CRTAC1: variants seen among roughly 807,000 people sequenced by gnomAD.
The protein encoded by CRTAC1 is cartilage acidic protein 1.
CRTAC1 carries 37 observed loss-of-function variants against 67.8 expected under a neutral mutation model. The ratio of observed to expected loss-of-function variants is 0.55; its 90% CI spans 0.42 to 0.72. The LOEUF (loss-of-function observed/expected upper bound fraction) is 0.72, where lower values mean the gene tolerates loss of function less well. CRTAC1 is among the 30% of genes least tolerant of loss of function. The pLI is 0.00. For synonymous variants in CRTAC1, 348 were observed against 371.0 expected, an observed-to-expected ratio of 0.94 and a Z score of 0.71; for missense variants, 780 against 931.6, an observed-to-expected ratio of 0.84 and a Z score of 2.12.
At chr10:97,959,676 C>T (rs2051493054) in intron 2 of CRTAC1, among the ~76,000 whole-genome samples, 2 of 152,230 alleles carry the variant, frequency 1.3e-5, no homozygotes, top group Admixed American at 1.3e-4. Context: ...GTCCAACTCA[C>T]CGCCACTGGG....
At chr10:97,893,796 G>T (rs7081221) in intron 11 of CRTAC1, among the ~76,000 whole-genome samples, 1 of 151,728 alleles carries the variant, frequency 6.6e-6, no homozygotes, top group African/African-American at 2.4e-5. Context: ...TCTGTTTTCC[G>T]TCTTTATAAT....
At chr10:97,960,022 C>G (rs371884923) in intron 2 of CRTAC1, among the ~76,000 whole-genome samples, 1 of 152,238 alleles carries the variant, frequency 6.6e-6, no homozygotes, top group African/African-American at 2.4e-5. Context: ...CTAAAATTAC[C>G]GTCTCCCAGA....
intron 7 of CRTAC1, among the ~76,000 whole-genome samples, 176 bp downstream of exon 7, chr10:97,904,493 C>T (rs2050582571): frequency 6.6e-6 from 1 of 152,224 alleles, no homozygotes; most frequent in Non-Finnish European, 1.5e-5. Context: ...ACGATCTCAG[C>T]TCACTGTAAC....
At chr10:97,885,656 G>T (rs1162946326) in intron 11 of CRTAC1, among the ~76,000 whole-genome samples, 1 of 152,080 alleles carries the variant, frequency 6.6e-6, no homozygotes, top group Admixed American at 6.5e-5. Flanking sequence ...GGGAGGAGGC[G>T]GGGGCTGGGC....
intron 5 of CRTAC1, 48 bp from the exon 6 acceptor site, chr10:97,908,195 C>A: frequency 6.2e-6 from 10 of 1,607,510 alleles, no homozygotes; most frequent in Middle Eastern, 1.7e-4. Flanking sequence ...AAGCCCCAGG[C>A]CCACCTGGAG....
intron 13 of CRTAC1, among the ~76,000 whole-genome samples, chr10:97,880,757 T>C (rs1458707683): frequency 2.0e-5 from 3 of 152,222 alleles, no homozygotes; most frequent in Non-Finnish European, 4.4e-5. Flanking sequence ...ATGTCTAAGA[T>C]GCACCTCATG....
intron 2 of CRTAC1, among the ~76,000 whole-genome samples, chr10:97,956,034 C>T (rs1473639304): frequency 2.0e-5 from 3 of 152,160 alleles, no homozygotes; most frequent in Non-Finnish European, 4.4e-5. Context: ...ATAAAGGCCA[C>T]GTAAGAGGCA....
chr10:97,979,994 C>T (rs761457381), intron 2 of CRTAC1, among the ~76,000 whole-genome samples: 4 of 152,314 alleles, frequency 2.6e-5, no homozygotes, highest in Non-Finnish European at 4.4e-5. Context: ...AACAAACGCC[C>T]GGGGCCACTC....
chr10:97,889,834 A>C (rs923978953), intron 11 of CRTAC1, among the ~76,000 whole-genome samples: 5 of 152,140 alleles, frequency 3.3e-5, no homozygotes, highest in African/African-American at 1.2e-4. Flanking sequence ...GAGTGCTGGC[A>C]GGGGAGCTTC....
chr10:98,009,762 T>C (rs1842871814), intron 2 of CRTAC1, among the ~76,000 whole-genome samples: 1 of 152,206 alleles, frequency 6.6e-6, no homozygotes, highest in South Asian at 2.1e-4. Flanking sequence ...GTAGTGTTTT[T>C]ATTGATTGAC....
At chr10:97,901,394 C>A in intron 8 of CRTAC1, 109 bp downstream of exon 8, 1 of 1,356,768 alleles carries the variant, frequency 7.4e-7, no homozygotes, top group Admixed American at 1.9e-5. Flanking sequence ...CTTGGCCTGA[C>A]CCCCTGGCCC....
intron 11 of CRTAC1, among the ~76,000 whole-genome samples, chr10:97,890,281 T>A (rs2050350017): frequency 9.1e-6 from 1 of 110,258 alleles, no homozygotes; most frequent in African/African-American, 3.6e-5. Context: ...CACACCGGGC[T>A]AATTTTTGTA....
At chr10:97,902,441 G>A (rs560821723) in intron 7 of CRTAC1, among the ~76,000 whole-genome samples, 3 of 152,186 alleles carry the variant, frequency 2.0e-5, no homozygotes, top group Non-Finnish European at 2.9e-5. Context: ...AGGGGGTTGC[G>A]GTATCAGCTA....
intron 1 of CRTAC1, among the ~76,000 whole-genome samples, chr10:98,021,701 T>G (rs1487576840): frequency 6.6e-6 from 1 of 152,202 alleles, no homozygotes; most frequent in Non-Finnish European, 1.5e-5. Flanking sequence ...AATAAATGTT[T>G]GTGAGATGCA....
At chr10:98,022,985 G>GA (rs566975145) in intron 1 of CRTAC1, among the ~76,000 whole-genome samples, 71 of 152,206 alleles carry the variant, frequency 4.7e-4, no homozygotes, top group African/African-American at 1.6e-3. Context: ...TGCACTCGTG[G>GA]ACCCCACTAT....
rs1459885987 is a variant in CRTAC1 at position 97,954,830 on chromosome 10, C to T, written c.225-18464G>A. On this transcript the variant is annotated intron_variant, in intron 2 of 14. Transcript: ENST00000370597. ...AGAGAGAAGACGTTCCCTGCCTTTT[C>T]TACCTTCTGGGGGCTGCAGGCATTG... is the stretch of plus-strand genomic sequence containing the variant. Among the ~76,000 whole-genome samples, 8 of 152,218 alleles carry T rather than the reference C, an allele frequency of 5.3e-5. 1 individual carries two copies.
rs1302592240 is a variant in CRTAC1 at position 97,974,294 on chromosome 10, C to G, written c.224+36844G>C. ...GGGTACAGCGAAGCTGCCATGAAAC[C>G]AGCAGGCTCCCCCCCTGCTGCGTAA... On this transcript the variant is annotated intron_variant, in intron 2 of 14. Transcript: ENST00000370597. Among the ~76,000 whole-genome samples, 5 of 152,148 alleles carry G rather than the reference C, an allele frequency of 3.3e-5. No homozygotes were observed. The East Asian group carries it at 7.7e-4, about 24-fold the overall frequency.
At chr10:98,007,648 A>C (rs955454450) in intron 2 of CRTAC1, among the ~76,000 whole-genome samples, 4 of 152,132 alleles carry the variant, frequency 2.6e-5, no homozygotes, top group Non-Finnish European at 5.9e-5. Flanking sequence ...GCTTTGCTCA[A>C]CCCTGCCCTG....
At chr10:97,891,878 G>A (rs963248289) in intron 11 of CRTAC1, among the ~76,000 whole-genome samples, 2 of 152,230 alleles carry the variant, frequency 1.3e-5, no homozygotes, top group African/African-American at 4.8e-5. Context: ...GGCTGGGTTG[G>A]CCACCTGCTG....
Sources: gnomAD v4.1 joint callset for allele counts (sites outside exome capture counted in the v4.1 genomes callset) on GRCh38, gnomAD v4.1.1 for gene constraint, MANE v1.5 for transcripts, NCBI Gene and HGNC (gene_info 2026-07-23, HGNC 2026-07-21) for gene names.